RALY: variants seen among roughly 807,000 people sequenced by gnomAD.
RALY encodes RNA-binding protein Raly.
A neutral mutation model predicts 30.7 loss-of-function variants in RALY; 15 were observed. The observed-to-expected ratio is 0.49, with a 90% CI of 0.33 to 0.75. The LOEUF (loss-of-function observed/expected upper bound fraction) is 0.75, where lower values mean the gene tolerates loss of function less well. Ranked by LOEUF, RALY falls within the 30% of genes least tolerant of loss-of-function variation. The pLI is 0.02. For synonymous variants in RALY, 177 were observed against 170.8 expected, an observed-to-expected ratio of 1.04 and a Z score of -0.28; for missense variants, 339 against 414.3, an observed-to-expected ratio of 0.82 and a Z score of 1.58.
In RALY at chr20:34,072,112, A is replaced by G. The variant is rs748810911; in HGVS notation, c.38A>G (p.Lys13Arg). 2 of 1,614,276 alleles carry G rather than the reference A, an allele frequency of 1.2e-6. No individual in the cohort carries two copies. The highest frequency in any genetic ancestry group is 1.7e-5 in the Admixed American group (1 of 60,034). Reference sequence around the variant, plus strand: ...CTTCAGGCAAGCAATGTAACCAACAAGAATGACCCCAAGTCCATCAACTCT... The same window carrying G: ...CTTCAGGCAAGCAATGTAACCAACAGGAATGACCCCAAGTCCATCAACTCT... Reference protein sequence around the residue: ...LKLQASNVTNKNDPKSINSRV... With the variant: ...LKLQASNVTNRNDPKSINSRV... Residue 13 changes from lysine (K) to arginine (R), a missense_variant, in exon 3 of 10, where the codon AAG (lysine) becomes AGG (arginine). Lys to Arg is a conservative substitution (Grantham distance 26). Coordinates refer to ENST00000246194, the MANE Select transcript of RALY (RefSeq NM_016732.3).
At chr20:34,003,874 C>T (rs11905046) in intron 1 of RALY, among the ~76,000 whole-genome samples, 4 of 152,040 alleles carry the variant, frequency 2.6e-5, no homozygotes, top group Non-Finnish European at 5.9e-5. Flanking sequence ...CTCCTGACCT[C>T]GTGATCCGCC....
At chr20:34,013,590 A>G (rs1043752293) in intron 1 of RALY, among the ~76,000 whole-genome samples, 8 of 152,082 alleles carry the variant, frequency 5.3e-5, no homozygotes, top group African/African-American at 1.4e-4. Context: ...TTTCATATCA[A>G]TTCCAATGCC....
intron 2 of RALY, among the ~76,000 whole-genome samples, chr20:34,036,257 T>C (rs1459526004): frequency 6.6e-6 from 1 of 152,220 alleles, no homozygotes; most frequent in Non-Finnish European, 1.5e-5. Flanking sequence ...AGGAGGAAAG[T>C]ATTCCATCTT....
rs146814635 is a variant in RALY, at chr20:34,026,372, C to T, written c.-92-5150C>T. Among the ~76,000 whole-genome samples the T allele has an allele frequency of 9.2e-4, 130 of 141,422 alleles. 1 individual carries two copies. Among genetic ancestry groups the T allele is most frequent in the African/African-American group, 3.5e-3 (128 of 36,748 alleles). 92.8% of individuals were successfully genotyped at this position (141,422 alleles called of 152,430 possible). On this transcript the variant is annotated intron_variant, in intron 1 of 9. Transcript: ENST00000246194. ...TCTTTTCCAAAGTCTAGACCTCAGA[C>T]ATTTTATTTATTTATTTATTTATTT...
chr20:34,002,019 G>A (rs1199106101), intron 1 of RALY, among the ~76,000 whole-genome samples: 4 of 152,194 alleles, frequency 2.6e-5, no homozygotes, highest in Admixed American at 6.5e-5. Flanking sequence ...TGCCCACCTC[G>A]GCCTCTCAAA....
chr20:34,064,344 A>G (rs781669415), intron 2 of RALY, among the ~76,000 whole-genome samples: 10 of 152,096 alleles, frequency 6.6e-5, no homozygotes, highest in South Asian at 2.1e-4. Context: ...AGAGCATGCT[A>G]TGGGGAGATA....
intron 8 of RALY, among the ~76,000 whole-genome samples, chr20:34,078,233 C>T (rs546290015): frequency 1.3e-5 from 2 of 152,362 alleles, no homozygotes; most frequent in Non-Finnish European, 2.9e-5. Context: ...TCAGCCTTCT[C>T]CAGTGCAGGC....
chr20:34,019,077 C>T (rs1280014629), intron 1 of RALY, among the ~76,000 whole-genome samples: 3 of 152,188 alleles, frequency 2.0e-5, no homozygotes, highest in African/African-American at 7.2e-5. Flanking sequence ...AATCCCACCA[C>T]TTCAGGAGGT....
intron 1 of RALY, among the ~76,000 whole-genome samples, chr20:34,010,346 A>G (rs1406137757): frequency 1.3e-5 from 2 of 152,096 alleles, no homozygotes; most frequent in Non-Finnish European, 2.9e-5. Flanking sequence ...CTCCCACCTC[A>G]GTCTCCTGAG....
chr20:34,019,499 G>C (rs966732535), intron 1 of RALY, among the ~76,000 whole-genome samples: 1 of 152,194 alleles, frequency 6.6e-6, no homozygotes, highest in Non-Finnish European at 1.5e-5. Flanking sequence ...CCATAAAGCA[G>C]ACTGAAGGAT....
intron 2 of RALY, among the ~76,000 whole-genome samples, chr20:34,054,815 CAA>C (rs771028871): frequency 1.8e-4 from 20 of 110,698 alleles, no homozygotes; most frequent in Non-Finnish European, 2.0e-4. Flanking sequence ...GAGACTGTCT[CAA>C]AAAAAAAAAA....
At chr20:34,048,622 T>C (rs1187550958) in intron 2 of RALY, among the ~76,000 whole-genome samples, 2 of 152,094 alleles carry the variant, frequency 1.3e-5, no homozygotes, top group African/African-American at 4.8e-5. Context: ...TTTGGGAGGC[T>C]GAGGCAGGTG....
chr20:34,061,724 A>C (rs2033423055), intron 2 of RALY, among the ~76,000 whole-genome samples: 1 of 152,198 alleles, frequency 6.6e-6, no homozygotes. Context: ...TATGTGTATT[A>C]TTTAATCTTC....
At chr20:34,023,170 A>AT (rs1240744640) in intron 1 of RALY, among the ~76,000 whole-genome samples, 2 of 152,100 alleles carry the variant, frequency 1.3e-5, no homozygotes, top group African/African-American at 4.8e-5. Flanking sequence ...AGTTTACGTA[A>AT]TTTTTTCCCC....
chr20:34,060,480 C>T (rs1403708259), intron 2 of RALY, among the ~76,000 whole-genome samples: 3 of 152,202 alleles, frequency 2.0e-5, no homozygotes, highest in Non-Finnish European at 4.4e-5. Flanking sequence ...CTAATATATT[C>T]GCATGCTTTC....
At chr20:34,027,540 A>G (rs1027771179) in intron 1 of RALY, among the ~76,000 whole-genome samples, 19 of 152,320 alleles carry the variant, frequency 1.2e-4, no homozygotes, top group Non-Finnish European at 1.8e-4. Context: ...TCCACAATAC[A>G]TAACATTCTT....
At chr20:34,043,035 A>G (rs2032756630) in intron 2 of RALY, among the ~76,000 whole-genome samples, 1 of 152,216 alleles carries the variant, frequency 6.6e-6, no homozygotes, top group Non-Finnish European at 1.5e-5. Flanking sequence ...AGCCATCCCA[A>G]CCCAGGAAGG....
At position 34,073,598 on chromosome 20, in the gene RALY, C is replaced by T; in HGVS notation, c.292C>T (p.Pro98Ser). The T allele has an allele frequency of 6.2e-7, 1 of 1,606,474 alleles. No individual in the cohort carries two copies. The highest frequency in any genetic ancestry group is 1.1e-5 in the South Asian group (1 of 90,920). The change falls in exon 4 of 10, where the codon CCC (proline) becomes TCC (serine). Residue 98 changes from proline (P) to serine (S), a missense_variant. This residue lies in a region of RALY where 71 missense variants were observed against 133.7 expected (regional missense o/e 0.53). Coordinates refer to ENST00000246194, the MANE Select transcript of RALY (RefSeq NM_016732.3). ...NMAGEPKPDR[P>S]KGLKRAASAI... ...GGCTGGAGAGCCTAAGCCTGACAGACCCAAGGGGCTAAAGAGAGCAGCATC... is the reference window on the plus strand; with the variant it reads ...GGCTGGAGAGCCTAAGCCTGACAGATCCAAGGGGCTAAAGAGAGCAGCATC...
chr20:34,031,275 C>T (rs1364161827), intron 1 of RALY, among the ~76,000 whole-genome samples: 2 of 146,604 alleles, frequency 1.4e-5, no homozygotes, highest in Non-Finnish European at 3.0e-5. Context: ...TGGCCGGGCT[C>T]GTCTTGAACT....
Sources: gnomAD v4.1 joint callset for allele counts (sites outside exome capture counted in the v4.1 genomes callset) on GRCh38, gnomAD v4.1.1 for gene constraint, gnomAD v4.1.1 regional missense constraint, MANE v1.5 for transcripts, NCBI Gene and HGNC (gene_info 2026-07-23, HGNC 2026-07-21) for gene names.